JUP: variants seen among roughly 807,000 people sequenced by gnomAD.
JUP encodes catenin (cadherin-associated protein), gamma 80kDa.
Under a neutral mutation model 71.1 loss-of-function variants are expected in JUP, and 28 were observed. The observed-to-expected ratio is 0.39, with a 90% CI of 0.29 to 0.54. The LOEUF (loss-of-function observed/expected upper bound fraction) is 0.54. JUP is among the 20% of genes least tolerant of loss of function. JUP has a pLI of 0.62. For missense variants in JUP, 869 were observed against 1,030.1 expected, an observed-to-expected ratio of 0.84 and a Z score of 2.14; for synonymous variants, 401 against 438.9, an observed-to-expected ratio of 0.91 and a Z score of 1.08.
intron 5 of JUP, among the ~76,000 whole-genome samples, chr17:41,765,602 C>T (rs2143613675): frequency 6.6e-6 from 1 of 152,306 alleles, no homozygotes; most frequent in African/African-American, 2.4e-5. Flanking sequence ...ATTCACCCGC[C>T]TCTGCCTCCC....
In JUP at chr17:41,766,964, C is replaced by T. The variant is rs184793751; in HGVS notation, c.909+415G>A. 7.5e-4 allele frequency among the ~76,000 whole-genome samples: 114 copies of T among 151,082 alleles called. No homozygotes were observed. The Middle Eastern group carries it at 0.014, about 18-fold the overall frequency. On this transcript the variant is annotated intron_variant, in intron 5 of 13. Coordinates refer to ENST00000393931, the MANE Select transcript of JUP (RefSeq NM_002230.4). ...CTGGAGGCTGAGGTAGGAGGATCAT[C>T]TGAGCCCAGGAAGTCAAGGCTGCAG...
intron 1 of JUP, among the ~76,000 whole-genome samples, chr17:41,781,889 G>A (rs553843238): frequency 1.2e-4 from 18 of 152,352 alleles, no homozygotes; most frequent in African/African-American, 4.3e-4. Context: ...CGGGCCTGCA[G>A]CTCTCAAGTC....
intron 7 of JUP, among the ~76,000 whole-genome samples, chr17:41,763,830 A>T (rs972954572): frequency 6.6e-6 from 1 of 152,116 alleles, no homozygotes; most frequent in African/African-American, 2.4e-5. Flanking sequence ...CAGTAAAATC[A>T]CTACCTCAGA....
At chr17:41,778,905 C>T (rs1288240742) in intron 1 of JUP, among the ~76,000 whole-genome samples, 4 of 148,524 alleles carry the variant, frequency 2.7e-5, no homozygotes, top group Admixed American at 6.8e-5. Context: ...AGCGAGACTC[C>T]GTCTCAAAAA....
intron 8 of JUP, among the ~76,000 whole-genome samples, chr17:41,760,307 G>A (rs1914601202): frequency 6.6e-6 from 1 of 151,546 alleles, no homozygotes. Context: ...CCAGGCTGGA[G>A]TGCAGTGGCG....
At chr17:41,757,851 C>A (rs1597783120) in intron 10 of JUP, 67 bp from the exon 11 acceptor site, 1 of 1,361,476 alleles carries the variant, frequency 7.3e-7, no homozygotes, top group East Asian at 2.3e-5. Flanking sequence ...GACAACACAC[C>A]CCACAGCACT....
intron 1 of JUP, among the ~76,000 whole-genome samples, chr17:41,780,101 G>A (rs2047089246): frequency 6.6e-6 from 1 of 152,168 alleles, no homozygotes; most frequent in Non-Finnish European, 1.5e-5. Flanking sequence ...GAAAGACACA[G>A]AAAGCTGAGC....
intron 1 of JUP, among the ~76,000 whole-genome samples, chr17:41,777,768 C>T (rs1416305351): frequency 1.3e-5 from 2 of 152,252 alleles, no homozygotes; most frequent in Non-Finnish European, 2.9e-5. Flanking sequence ...TTCTGGGCTC[C>T]TTCCCAAAGC....
chr17:41,771,967 GC>G, intron 1 of JUP, 105 bp from the exon 2 acceptor site: 1 of 981,052 alleles, frequency 1.0e-6, no homozygotes, highest in Non-Finnish European at 1.6e-6. Flanking sequence ...CATCACCATG[GC>G]CCAGGGATTT....
intron 1 of JUP, among the ~76,000 whole-genome samples, chr17:41,780,897 T>C (rs1487779481): frequency 6.0e-5 from 9 of 149,516 alleles, no homozygotes; most frequent in Non-Finnish European, 1.0e-4. Flanking sequence ...ATACAAAAAT[T>C]AGGCCGGGCA....
chr17:41,783,190 G>T (rs183857797), intron 1 of JUP, among the ~76,000 whole-genome samples: 4,546 of 151,954 alleles, frequency 0.03, 204 homozygotes, highest in African/African-American at 0.1. Context: ...CGTCAGTCTT[G>T]GTGCTGCTTG....
At chr17:41,761,695 G>A (rs1373277480) in intron 8 of JUP, among the ~76,000 whole-genome samples, 1 of 150,166 alleles carries the variant, frequency 6.7e-6, no homozygotes, top group Non-Finnish European at 1.5e-5. Flanking sequence ...GGAGGTTGCA[G>A]TAAGCCGAGA....
chr17:41,759,010 G>A, intron 8 of JUP, 140 bp from the exon 9 acceptor site: 1 of 823,930 alleles, frequency 1.2e-6, no homozygotes, highest in East Asian at 2.7e-5. Context: ...AATATCCAGA[G>A]AAGGAGACCA....
At chr17:41,771,997 G>A in intron 1 of JUP, 135 bp from the exon 2 acceptor site, 1 of 849,320 alleles carries the variant, frequency 1.2e-6, no homozygotes, top group Non-Finnish European at 1.9e-6. Flanking sequence ...ATGCAGGCTG[G>A]GGATGGGGGG....
chr17:41,769,763 T>C, intron 2 of JUP, 86 bp from the exon 3 acceptor site: 1 of 1,454,970 alleles, frequency 6.9e-7, no homozygotes, highest in Non-Finnish European at 9.3e-7. Context: ...CAGCCCCACC[T>C]GGGTCCTCTG....
intron 8 of JUP, among the ~76,000 whole-genome samples, chr17:41,760,896 C>A (rs1392180509): frequency 6.6e-6 from 1 of 152,158 alleles, no homozygotes; most frequent in Non-Finnish European, 1.5e-5. Context: ...ATGTAGCTGG[C>A]GGATGCCCCT....
chr17:41,783,096 C>CAAA (rs527709887), intron 1 of JUP, among the ~76,000 whole-genome samples: 75 of 113,304 alleles, frequency 6.6e-4, no homozygotes, highest in African/African-American at 2.0e-3. Flanking sequence ...GACTCCATCT[C>CAAA]AAAAAAAAAA....
At chr17:41,783,710 G>A (rs565905782) in intron 1 of JUP, among the ~76,000 whole-genome samples, 1 of 151,990 alleles carries the variant, frequency 6.6e-6, no homozygotes, top group South Asian at 2.1e-4. Context: ...CACGAGGTCA[G>A]GAGATCAAGA....
Position 41,754,741 on chromosome 17 carries a change from G to A in JUP, c.*1003C>T, listed in dbSNP as rs1334859254. ...CCCACACCATGTGCGGGAAATGGGG[G>A]GGTCTGAAACAGGAAGGGGAAGAGA... On this transcript the variant is annotated 3_prime_UTR_variant, in exon 14 of 14. Coordinates refer to ENST00000393931, the MANE Select transcript of JUP (RefSeq NM_002230.4). 7 of 152,940 alleles carry A rather than the reference G, an allele frequency of 4.6e-5. No individual in the cohort carries two copies. The highest frequency in any genetic ancestry group is 1.7e-4 in the African/African-American group (7 of 41,450). 9.5% of individuals were successfully genotyped at this position (152,940 alleles called of 1,614,324 possible). A position where few individuals can be genotyped will look rare whatever the true frequency, so the allele number is the denominator to read the frequency against.
Sources: gnomAD v4.1 joint callset for allele counts (sites outside exome capture counted in the v4.1 genomes callset) on GRCh38, gnomAD v4.1.1 for gene constraint, MANE v1.5 for transcripts, NCBI Gene and HGNC (gene_info 2026-07-23, HGNC 2026-07-21) for gene names.